The following DARS1 variants were observed in gnomAD, a reference collection of about 807,000 sequenced individuals.
The protein encoded by DARS1 is aspartate--tRNA ligase, cytoplasmic.
In DARS1, 51 loss-of-function variants were observed where a neutral mutation model predicts 68.8. The ratio of observed to expected loss-of-function variants is 0.74; its 90% CI spans 0.59 to 0.94. The LOEUF (loss-of-function observed/expected upper bound fraction) is 0.94. Ranked by LOEUF, DARS1 falls within the 40% of genes least tolerant of loss-of-function variation. DARS1 has a pLI of 0.00. For synonymous variants in DARS1, 203 were observed against 190.4 expected (o/e 1.07, Z -0.55); for missense variants, 607 against 597.3 (o/e 1.02, Z -0.17).
intron 9 of DARS1, among the ~76,000 whole-genome samples, chr2:135,922,079 T>C (rs1449623774): frequency 1.3e-5 from 2 of 152,218 alleles, no homozygotes; most frequent in South Asian, 2.1e-4. Context: ...CACATGATTA[T>C]GTGCCTGTGC....
rs138765684 is a variant in DARS1, at chr2:135,930,589, G to C, written c.564+2194C>G. 5.8e-4 allele frequency among the ~76,000 whole-genome samples: 89 copies of C among 152,296 alleles called. 1 individual carries two copies. In the East Asian group the frequency reaches 0.016, roughly 28 times the overall value. ...GAAGATGACCAATACATATTCCACA[G>C]TATAAGAAACCTGTAATACGAACAT... is the stretch of plus-strand genomic sequence containing the variant. On this transcript the variant is annotated intron_variant, in intron 7 of 15. Coordinates refer to ENST00000264161, the MANE Select transcript of DARS1 (RefSeq NM_001349.4).
At chr2:135,953,672 ACT>A (rs1681898084) in intron 4 of DARS1, among the ~76,000 whole-genome samples, 1 of 151,670 alleles carries the variant, frequency 6.6e-6, no homozygotes, top group Admixed American at 6.6e-5. Context: ...AAAACATGAA[ACT>A]CTCTAGGTTC....
At chr2:135,960,331 A>C (rs1442992726) in intron 4 of DARS1, among the ~76,000 whole-genome samples, 5 of 152,202 alleles carry the variant, frequency 3.3e-5, no homozygotes, top group Admixed American at 2.0e-4. Flanking sequence ...ACGTAATTTG[A>C]TAAATATCTA....
chr2:135,914,723 G>T, intron 11 of DARS1: 1 of 467,774 alleles, frequency 2.1e-6, no homozygotes, highest in Non-Finnish European at 3.9e-6. Context: ...AGTAGATGCT[G>T]CTCAAATATT....
chr2:135,978,986 T>TA (rs1365004279), intron 3 of DARS1: 12 of 242,632 alleles, frequency 4.9e-5, no homozygotes, highest in African/African-American at 7.0e-5. Flanking sequence ...TTTTTTTTTT[T>TA]AGCTACTCCT....
At chr2:135,985,645 C>G, upstream of DARS1, 1 of 1,423,644 alleles carries the variant, frequency 7.0e-7, no homozygotes, top group Non-Finnish European at 9.3e-7. Context: ...CTGCGGCTAT[C>G]TCGAGATCCC....
intron 1 of DARS1, 45 bp from the exon 2 acceptor site, chr2:135,983,499 A>G (rs1558804032): frequency 1.3e-6 from 1 of 760,618 alleles, no homozygotes; most frequent in Non-Finnish European, 2.3e-6. Flanking sequence ...TGTAAACACT[A>G]AGAGCACAGT....
intron 8 of DARS1, among the ~76,000 whole-genome samples, chr2:135,924,096 T>C (rs1575386994): frequency 6.6e-6 from 1 of 152,242 alleles, no homozygotes; most frequent in Admixed American, 6.5e-5. Flanking sequence ...GAAATCTATA[T>C]AATGAAAGTA....
chr2:135,971,509 C>T (rs1682369399), intron 3 of DARS1, among the ~76,000 whole-genome samples: 1 of 152,122 alleles, frequency 6.6e-6, no homozygotes. Flanking sequence ...AAACTGAAAT[C>T]CTTTTCTCTT....
At chr2:135,910,692 A>G (rs1185261753) in intron 15 of DARS1, among the ~76,000 whole-genome samples, 1 of 152,188 alleles carries the variant, frequency 6.6e-6, no homozygotes, top group Admixed American at 6.5e-5. Flanking sequence ...ATACATTCAA[A>G]AAATTTTTTA....
chr2:135,918,285 T>C (rs143729427), intron 10 of DARS1, among the ~76,000 whole-genome samples: 122 of 152,340 alleles, frequency 8.0e-4, no homozygotes, highest in African/African-American at 2.5e-3. Flanking sequence ...TGTCTATCAA[T>C]GGTAGTACAA....
chr2:135,985,492 A>G lies in DARS1; in HGVS notation c.-24T>C. On this transcript the variant is annotated 5_prime_UTR_variant, in exon 1 of 16. Transcript: ENST00000264161. The stretch of plus-strand genomic sequence containing the variant: ...ATCGGGACACGGAACTGGGCAGTGG[A>G]CACCACCCTCCCTCGCAGGCTTCCG... 4 of 1,613,856 alleles carry G rather than the reference A, an allele frequency of 2.5e-6. No homozygotes were observed. The highest frequency in any genetic ancestry group is 3.4e-6 in the Non-Finnish European group (4 of 1,179,900).
intron 7 of DARS1, among the ~76,000 whole-genome samples, chr2:135,925,529 T>C (rs1035350049): frequency 6.6e-6 from 1 of 152,232 alleles, no homozygotes. Flanking sequence ...AAGAATGATA[T>C]TTAAATAATC....
At chr2:135,911,105 A>T in intron 15 of DARS1, 34 bp downstream of exon 15, 1 of 920,864 alleles carries the variant, frequency 1.1e-6, no homozygotes, top group Non-Finnish European at 1.8e-6. Flanking sequence ...CTTAGAACTT[A>T]TGAACTTATT....
chr2:135,941,387 T>G (rs1681593189), intron 5 of DARS1, among the ~76,000 whole-genome samples: 1 of 152,026 alleles, frequency 6.6e-6, no homozygotes, highest in Non-Finnish European at 1.5e-5. Flanking sequence ...TTGACAAACC[T>G]GAGAAAAACA....
intron 10 of DARS1, among the ~76,000 whole-genome samples, chr2:135,918,564 T>G (rs913672654): frequency 6.6e-6 from 1 of 152,202 alleles, no homozygotes; most frequent in Admixed American, 6.5e-5. Flanking sequence ...AATTGCCACC[T>G]TAACTCTACT....
intron 4 of DARS1, among the ~76,000 whole-genome samples, chr2:135,951,939 C>T (rs1471153863): frequency 6.6e-6 from 1 of 152,054 alleles, no homozygotes; most frequent in East Asian, 1.9e-4. Flanking sequence ...AAACTGTTAC[C>T]TTTAAGAAGT....
chr2:135,966,387 G>A (rs954620542), intron 3 of DARS1, among the ~76,000 whole-genome samples: 3 of 151,924 alleles, frequency 2.0e-5, no homozygotes, highest in African/African-American at 7.3e-5. Flanking sequence ...TTGAAAAGCT[G>A]GTATATGAAC....
intron 2 of DARS1, among the ~76,000 whole-genome samples, chr2:135,982,373 T>C (rs188594371): frequency 1.3e-3 from 202 of 152,032 alleles, no homozygotes; most frequent in African/African-American, 4.5e-3. Context: ...GGTGGGTGGA[T>C]TGCCTTGAGT....
Sources: gnomAD v4.1 joint callset for allele counts (sites outside exome capture counted in the v4.1 genomes callset) on GRCh38, gnomAD v4.1.1 for gene constraint, MANE v1.5 for transcripts, NCBI Gene and HGNC (gene_info 2026-07-23, HGNC 2026-07-21) for gene names.